The following RIMBP2 variants were observed in gnomAD, a reference collection of about 807,000 sequenced individuals.
The protein encoded by RIMBP2 is RIMS binding protein 2.
A neutral mutation model predicts 118.6 loss-of-function variants in RIMBP2; 48 were observed. The ratio of observed to expected loss-of-function variants is 0.40; its 90% CI spans 0.32 to 0.51. The LOEUF (loss-of-function observed/expected upper bound fraction) is 0.51. Among genes scored for constraint, RIMBP2 ranks in the 20% least tolerant of loss-of-function variants. The pLI is 0.41. For synonymous variants in RIMBP2, 762 were observed against 742.9 expected (o/e 1.03, Z -0.42); for missense variants, 1,551 against 1,768.3 (o/e 0.88, Z 2.20).
intron 2 of RIMBP2, among the ~76,000 whole-genome samples, chr12:130,553,735 CCTTGT>C (rs2056066838): frequency 1.3e-5 from 2 of 152,162 alleles, no homozygotes; most frequent in South Asian, 4.2e-4. Flanking sequence ...CTGAGGGAAA[CCTTGT>C]CTTGAAAAAA....
At chr12:130,702,697 T>C (rs1178345583) in intron 1 of RIMBP2, among the ~76,000 whole-genome samples, 3 of 152,086 alleles carry the variant, frequency 2.0e-5, no homozygotes, top group African/African-American at 4.8e-5. Flanking sequence ...CCTGTTTTGT[T>C]AGTATTAATT....
chr12:130,442,067 G>A lies in RIMBP2; in HGVS notation c.1285C>T (p.Leu429=), dbSNP rs186631129. ...ITQISAQLSW[L]PTNSNYSHVI... is the part of the protein sequence containing the mutation. ...TGGCTGTAGTTGCTGTTGGTGGGTAGCCAGGAGAGCTGGGCGGAGATCTGC... is the reference window on the plus strand; with the variant it reads ...TGGCTGTAGTTGCTGTTGGTGGGTAACCAGGAGAGCTGGGCGGAGATCTGC... Residue 429 remains leucine, a synonymous_variant, in exon 11 of 23, where the codon CTA becomes TTA. Coordinates refer to ENST00000690449, the MANE Select transcript of RIMBP2 (RefSeq NM_001393629.1). The surrounding 1 kb of genome is among the most constrained non-coding windows in gnomAD (Gnocchi z 6.9). The A allele has an allele frequency of 3.1e-6, 5 of 1,614,194 alleles. No homozygotes were observed. The African/African-American group carries it at 6.7e-5, about 22-fold the overall frequency.
chr12:130,589,304 G>A (rs190707668), intron 2 of RIMBP2, among the ~76,000 whole-genome samples: 9 of 152,208 alleles, frequency 5.9e-5, no homozygotes, highest in South Asian at 2.1e-4. Context: ...TACAACACAC[G>A]CTTTGTTCTG....
intron 2 of RIMBP2, among the ~76,000 whole-genome samples, chr12:130,577,419 G>A (rs1036293851): frequency 3.9e-5 from 6 of 152,304 alleles, no homozygotes; most frequent in Non-Finnish European, 7.4e-5. Context: ...GTTCCACATG[G>A]CTGGGGAGGC....
At chr12:130,591,400 G>A (rs185732054) in intron 2 of RIMBP2, among the ~76,000 whole-genome samples, 52 of 152,342 alleles carry the variant, frequency 3.4e-4, no homozygotes, top group East Asian at 3.1e-3. Flanking sequence ...AGGAAGGGTC[G>A]CCTGGGTGTT....
chr12:130,696,329 G>C (rs1259336018), intron 1 of RIMBP2, among the ~76,000 whole-genome samples: 1 of 152,206 alleles, frequency 6.6e-6, no homozygotes, highest in East Asian at 1.9e-4. Context: ...TGTGTGTGGT[G>C]ATCTGGTTTT....
At chr12:130,406,848 T>C (rs1004319757) in intron 20 of RIMBP2, among the ~76,000 whole-genome samples, 1 of 152,216 alleles carries the variant, frequency 6.6e-6, no homozygotes, top group Non-Finnish European at 1.5e-5. Context: ...GGTTTTGCCA[T>C]GTTGCCCAGG....
chr12:130,643,647 T>C (rs12370171), intron 1 of RIMBP2, among the ~76,000 whole-genome samples: 50,737 of 152,142 alleles, frequency 0.33, 9,540 homozygotes, highest in African/African-American at 0.51. Context: ...CCACCCAGGC[T>C]GCACTCTGCG....
At chr12:130,663,195 G>C (rs1266324145) in intron 1 of RIMBP2, among the ~76,000 whole-genome samples, 1 of 152,146 alleles carries the variant, frequency 6.6e-6, no homozygotes, top group Non-Finnish European at 1.5e-5. Context: ...CTGATGGTCA[G>C]AGGTCAAGTA....
intron 2 of RIMBP2, among the ~76,000 whole-genome samples, chr12:130,606,843 C>T (rs2060220509): frequency 6.6e-6 from 1 of 152,110 alleles, no homozygotes; most frequent in Non-Finnish European, 1.5e-5. Context: ...AGTTCCAATT[C>T]TTTTTTAAGA....
At chr12:130,698,287 A>G (rs184848993) in intron 1 of RIMBP2, among the ~76,000 whole-genome samples, 8 of 152,122 alleles carry the variant, frequency 5.3e-5, no homozygotes, top group Admixed American at 5.2e-4. Context: ...CCTCCATCTG[A>G]CTCAAACACT....
At chr12:130,597,490 C>T (rs1316866870) in intron 2 of RIMBP2, among the ~76,000 whole-genome samples, 1 of 152,230 alleles carries the variant, frequency 6.6e-6, no homozygotes, top group Admixed American at 6.5e-5. Flanking sequence ...ATCCGCCTGC[C>T]TCAGTCTCCC....
chr12:130,563,070 G>A (rs1022015020), intron 2 of RIMBP2, among the ~76,000 whole-genome samples: 3 of 152,140 alleles, frequency 2.0e-5, no homozygotes, highest in African/African-American at 7.2e-5. Context: ...ACGCATTCAC[G>A]CTGCATAAAA....
intron 4 of RIMBP2, among the ~76,000 whole-genome samples, chr12:130,503,288 C>T (rs1050885460): frequency 1.3e-5 from 2 of 151,722 alleles, no homozygotes; most frequent in East Asian, 3.9e-4. Context: ...CCCAGCTACT[C>T]GGGAGGCTAA....
intron 21 of RIMBP2, among the ~76,000 whole-genome samples, chr12:130,404,417 C>T (rs933126979): frequency 1.3e-5 from 2 of 152,190 alleles, no homozygotes; most frequent in Non-Finnish European, 2.9e-5. Flanking sequence ...CCTGCCTCAG[C>T]CTCCAAAGTA....
intron 2 of RIMBP2, among the ~76,000 whole-genome samples, chr12:130,599,532 G>A (rs2059751189): frequency 6.6e-6 from 1 of 152,156 alleles, no homozygotes. Context: ...AGTCACTGGG[G>A]AAGTGCAAAT....
chr12:130,492,950 C>T (rs1425588746), intron 4 of RIMBP2, among the ~76,000 whole-genome samples: 1 of 152,132 alleles, frequency 6.6e-6, no homozygotes, highest in Non-Finnish European at 1.5e-5. Context: ...GGCAATATGG[C>T]AAAACCCCAT....
At chr12:130,640,502 C>T (rs1346794680) in intron 1 of RIMBP2, among the ~76,000 whole-genome samples, 1 of 152,206 alleles carries the variant, frequency 6.6e-6, no homozygotes, top group East Asian at 1.9e-4. Context: ...GTTATTAACA[C>T]TATTCGTGTC....
chr12:130,456,634 C>G lies in RIMBP2; in HGVS notation c.220G>C (p.Asp74His), dbSNP rs2079468523. 6.2e-7 allele frequency: 1 copy of G among 1,613,556 alleles called. No individual in the cohort carries two copies. Among genetic ancestry groups the G allele is most frequent in the African/African-American group, 1.3e-5 (1 of 75,064 alleles). ...GCGTGCTGCCGGAACTTCTCCAGGT[C>G]CCGGGACAGCAGGTTGAACTGCTCA... ...QSEQFNLLSR[D>H]LEKFRQHAGK... Residue 74 changes from aspartate to histidine, a missense_variant, in exon 7 of 23, where the codon GAC becomes CAC. By Grantham distance (81) the Asp-to-His change is moderately conservative. This residue lies in a region of RIMBP2 where 239 missense variants were observed against 256.8 expected (regional missense o/e 0.93). Coordinates refer to ENST00000690449, the MANE Select transcript of RIMBP2 (RefSeq NM_001393629.1).
Sources: allele counts gnomAD v4.1 joint callset (sites outside exome capture counted in the v4.1 genomes callset), GRCh38; gene constraint gnomAD v4.1.1; regional missense constraint gnomAD v4.1.1; non-coding constraint Gnocchi (gnomAD v3.1); transcripts MANE v1.5; gene names NCBI Gene and HGNC (gene_info 2026-07-23, HGNC 2026-07-21).